The following SLC1A4 variants were observed in gnomAD, a reference collection of about 807,000 sequenced individuals.
SLC1A4 encodes neutral amino acid transporter A.
SLC1A4 carries 19 observed loss-of-function variants against 37.7 expected under a neutral mutation model. The observed-to-expected ratio is 0.50, with a 90% CI of 0.35 to 0.74. The LOEUF (loss-of-function observed/expected upper bound fraction) is 0.74. SLC1A4 is among the 30% of genes least tolerant of loss of function. The probability of loss-of-function intolerance (pLI) is 0.01; values close to 1 mark genes in which losing one functional copy is unlikely to be tolerated. For synonymous variants in SLC1A4, 299 were observed against 309.8 expected (o/e 0.97, Z 0.37); for missense variants, 570 against 712.9 (o/e 0.80, Z 2.28).
At chr2:64,997,539 A>G (rs1673301352) in intron 1 of SLC1A4, among the ~76,000 whole-genome samples, 3 of 152,144 alleles carry the variant, frequency 2.0e-5, no homozygotes, top group South Asian at 2.1e-4. Flanking sequence ...GGCTTTTTCT[A>G]GAGTTTCATA....
rs189823702 is a variant in SLC1A4, at chr2:65,016,638, C to G, written c.999C>G (p.Leu333=). ...KNPFRFLLGL[L]APFATAFATC... ...CATTCAGATTCCTCCTGGGCCTCCT[C>G]GCCCCATTTGCGACAGCATTTGCTA... The change falls in exon 5 of 8, where the codon CTC becomes CTG. Residue 333 remains leucine, a synonymous_variant. Coordinates refer to ENST00000234256, the MANE Select transcript of SLC1A4 (RefSeq NM_003038.5). 6.2e-7 allele frequency: 1 copy of G among 1,614,154 alleles called. No individual in the cohort carries two copies. The highest frequency in any genetic ancestry group is 8.5e-7 in the Non-Finnish European group (1 of 1,180,012).
chr2:65,021,011 A>C lies in SLC1A4; in HGVS notation c.1464A>C (p.Glu488Asp). 6.2e-7 allele frequency: 1 copy of C among 1,614,242 alleles called. No homozygotes were observed. The highest frequency in any genetic ancestry group is 2.2e-5 in the East Asian group (1 of 44,888). ...NQKATKKGEQ[E>D]LAEVKVEAIP... ...AGGCAACAAAGAAAGGCGAGCAGGA[A>C]CTTGCTGAGGTGAAAGTGGAAGCCA... The change falls in exon 8 of 8, where the codon GAA becomes GAC. Residue 488 changes from glutamate to aspartate, a missense_variant. Transcript: ENST00000234256.
chr2:65,005,669 T>C (rs1673643816), intron 3 of SLC1A4, among the ~76,000 whole-genome samples: 1 of 151,152 alleles, frequency 6.6e-6, no homozygotes, highest in Admixed American at 6.6e-5. Flanking sequence ...TCTTCCAAGG[T>C]TGATCAAGGC....
rs544965893 is a variant in SLC1A4 at position 65,019,750 on chromosome 2, C to G, written c.1364+1071C>G. 3.2e-4 allele frequency among the ~76,000 whole-genome samples: 48 copies of G among 152,318 alleles called. No homozygotes were observed. The South Asian group carries it at 9.3e-3, about 30-fold the overall frequency. On this transcript the variant is annotated intron_variant, in intron 7 of 7. Transcript: ENST00000234256. ...GCTGGCCAGCTGGACAGGACCAGAG[C>G]TGACAGAGGCCCCCTCTCCTTCCTC...
chr2:65,016,158 T>A (rs1253272440), intron 4 of SLC1A4, among the ~76,000 whole-genome samples: 1 of 152,214 alleles, frequency 6.6e-6, no homozygotes, highest in Non-Finnish European at 1.5e-5. Flanking sequence ...CTGTGACTGG[T>A]AGCATCCTTC....
chr2:64,999,468 C>A (rs1246546876), intron 1 of SLC1A4: 1 of 152,132 alleles, frequency 6.6e-6, no homozygotes, highest in Non-Finnish European at 1.5e-5. Context: ...GCATAACAAA[C>A]TACTACACAT....
chr2:65,018,622 AG>A lies in SLC1A4; in HGVS notation c.1309del (p.Ala437ProfsTer11), dbSNP rs1674280327. ...GTCCTCACCATTGCCATTATCCTGGAGGCCATTGGGCTGCCTACTCATGACC... is the reference window on the plus strand; with the variant it reads ...GTCCTCACCATTGCCATTATCCTGGAGCCATTGGGCTGCCTACTCATGACC... ...GGVLTIAIIL[E>X]AIGLPTHDLP... is the part of the protein sequence containing the mutation. On this transcript the variant is annotated frameshift_variant, in exon 7 of 8. Coordinates refer to ENST00000234256, the MANE Select transcript of SLC1A4 (RefSeq NM_003038.5). LOFTEE classifies it high-confidence loss of function. This position sits in a 1 kb window ranked among gnomAD's most constrained non-coding sequence, Gnocchi z 4.3. The A allele has an allele frequency of 6.2e-7, 1 of 1,614,104 alleles. No homozygotes were observed. Among genetic ancestry groups the A allele is most frequent in the African/African-American group, 1.3e-5 (1 of 74,938 alleles).
intron 4 of SLC1A4, 93 bp from the exon 5 acceptor site, chr2:65,016,347 G>C: frequency 1.0e-6 from 1 of 985,364 alleles, no homozygotes; most frequent in South Asian, 1.3e-5. Flanking sequence ...AGACGGCCTG[G>C]CTGAAAGTCC....
At chr2:65,019,241 C>T (rs780719629) in intron 7 of SLC1A4, among the ~76,000 whole-genome samples, 11 of 152,142 alleles carry the variant, frequency 7.2e-5, no homozygotes, top group African/African-American at 1.2e-4. Flanking sequence ...CACATGATAC[C>T]TTTTGCAGGC....
chr2:65,015,696 G>A (rs1674098080), intron 4 of SLC1A4, among the ~76,000 whole-genome samples: 1 of 152,242 alleles, frequency 6.6e-6, no homozygotes, highest in African/African-American at 2.4e-5. Context: ...ATGAGAGGGA[G>A]ACTTCACTCT....
chr2:64,998,803 C>A (rs1358412271), intron 1 of SLC1A4, among the ~76,000 whole-genome samples: 6 of 152,210 alleles, frequency 3.9e-5, no homozygotes, highest in Admixed American at 3.3e-4. Context: ...AAAGGCTGTG[C>A]TTGTACCAAT....
At chr2:65,007,276 GTGTGT>G (rs1673715470) in intron 3 of SLC1A4, among the ~76,000 whole-genome samples, 1 of 87,764 alleles carries the variant, frequency 1.1e-5, no homozygotes, top group South Asian at 3.6e-4. Flanking sequence ...GTGTTTGTGT[GTGTGT>G]GTGTGTGTCT....
At chr2:65,020,777 T>C in intron 7 of SLC1A4, 135 bp from the exon 8 acceptor site, 1 of 682,458 alleles carries the variant, frequency 1.5e-6, no homozygotes, top group South Asian at 1.8e-5. Context: ...GTAAAGCCAA[T>C]GCCTTAGAAG....
chr2:65,002,280 A>AAAATAAATAAATAAATAAAT (rs139658708), intron 2 of SLC1A4, among the ~76,000 whole-genome samples: 30,788 of 144,052 alleles, frequency 0.21, 3,677 homozygotes, highest in East Asian at 0.46. Flanking sequence ...ACTCTATCTC[A>AAAATAAATAAATAAATAAAT]AAATAAATAA....
At chr2:64,989,286 T>G, upstream of SLC1A4, 2 of 174,772 alleles carry the variant, frequency 1.1e-5, no homozygotes, top group Non-Finnish European at 2.4e-5. Flanking sequence ...CGGGCTGTGA[T>G]TGGCCAGCGC....
chr2:65,009,319 G>C (rs191693180), intron 3 of SLC1A4, among the ~76,000 whole-genome samples: 83 of 151,892 alleles, frequency 5.5e-4, no homozygotes, highest in African/African-American at 1.8e-3. Flanking sequence ...GTTGTGGTGA[G>C]CTGAGATCAC....
intron 1 of SLC1A4, among the ~76,000 whole-genome samples, chr2:64,993,369 T>C (rs1325903511): frequency 1.7e-4 from 26 of 152,248 alleles, no homozygotes; most frequent in Non-Finnish European, 3.4e-4. Context: ...CATGTGTATA[T>C]GTTTTTTTAA....
At position 65,021,783 on chromosome 2, in the gene SLC1A4, T is replaced by C. The variant is rs1674437691; in HGVS notation, c.*637T>C. The C allele has an allele frequency of 6.6e-6, 1 of 152,518 alleles. No individual in the cohort carries two copies. Among genetic ancestry groups the C allele is most frequent in the African/African-American group, 2.4e-5 (1 of 41,448 alleles). The allele number at this position is 152,518 out of a possible 1,614,324, so 9.4% of individuals were successfully genotyped here. A position where few individuals can be genotyped will look rare whatever the true frequency, so the allele number is the denominator to read the frequency against. On this transcript the variant is annotated 3_prime_UTR_variant, in exon 8 of 8. Transcript: ENST00000234256. ...TGTGGTGGTCTCTGGTCCACAGCCT[T>C]AGGTAAACAACTTAGATTCTGAGGT...
chr2:64,992,597 C>T (rs1224250942), intron 1 of SLC1A4, among the ~76,000 whole-genome samples: 2 of 152,082 alleles, frequency 1.3e-5, no homozygotes, highest in African/African-American at 2.4e-5. Context: ...AGAGATTAAG[C>T]GATTTGCTCA....
Sources: gnomAD v4.1 joint callset for allele counts (sites outside exome capture counted in the v4.1 genomes callset) on GRCh38, gnomAD v4.1.1 for gene constraint, Gnocchi (gnomAD v3.1) non-coding constraint, MANE v1.5 for transcripts, NCBI Gene and HGNC (gene_info 2026-07-23, HGNC 2026-07-21) for gene names.